The following CDH18 variants were observed in gnomAD, a reference collection of about 807,000 sequenced individuals.
The protein encoded by CDH18 is cadherin 18.
CDH18 carries 31 observed loss-of-function variants against 67.9 expected under a neutral mutation model. The ratio of observed to expected loss-of-function variants is 0.46; its 90% CI spans 0.34 to 0.62. The LOEUF is 0.62. CDH18 is among the 20% of genes least tolerant of loss of function. The probability of loss-of-function intolerance (pLI) is 0.01; values close to 1 mark genes in which losing one functional copy is unlikely to be tolerated. For missense variants in CDH18, 890 were observed against 975.5 expected (o/e 0.91, Z 1.17); for synonymous variants, 362 against 347.2 (o/e 1.04, Z -0.48).
intron 1 of CDH18, among the ~76,000 whole-genome samples, chr5:20,500,671 G>C (rs755784559): frequency 2.0e-5 from 3 of 152,082 alleles, no homozygotes; most frequent in Non-Finnish European, 4.4e-5. Flanking sequence ...AAATATCTTA[G>C]CACAGTTAGG....
At chr5:19,929,634 T>C (rs1034141242) in intron 2 of CDH18, among the ~76,000 whole-genome samples, 1 of 151,968 alleles carries the variant, frequency 6.6e-6, no homozygotes, top group Non-Finnish European at 1.5e-5. Context: ...AATCCAGAAT[T>C]TGGGACTAGT....
chr5:20,186,581 A>T (rs945511185), intron 2 of CDH18, among the ~76,000 whole-genome samples: 21 of 152,006 alleles, frequency 1.4e-4, no homozygotes, highest in African/African-American at 5.1e-4. Context: ...ATCATTAGGG[A>T]AATAATAACC....
At chr5:19,887,778 C>A (rs115879865) in intron 2 of CDH18, among the ~76,000 whole-genome samples, 1,935 of 151,544 alleles carry the variant, frequency 0.013, 37 homozygotes, top group African/African-American at 0.045. Context: ...CACCTTGCTC[C>A]CCAGACTAGT....
At chr5:19,865,926 C>CAGCTGAATGT (rs1263015516) in intron 2 of CDH18, among the ~76,000 whole-genome samples, 1 of 152,168 alleles carries the variant, frequency 6.6e-6, no homozygotes, top group South Asian at 2.1e-4. Flanking sequence ...ATTGTCTAGA[C>CAGCTGAATGT]CTGATTCAGG....
chr5:20,538,131 G>C (rs1439500647), intron 1 of CDH18, among the ~76,000 whole-genome samples: 1 of 152,086 alleles, frequency 6.6e-6, no homozygotes, highest in Non-Finnish European at 1.5e-5. Flanking sequence ...AGAGACAAAT[G>C]TCCCATTCTC....
chr5:19,690,736 T>C (rs1218172159), intron 5 of CDH18, among the ~76,000 whole-genome samples: 1 of 151,126 alleles, frequency 6.6e-6, no homozygotes, highest in African/African-American at 2.4e-5. Context: ...CAAGAAGAAA[T>C]AGAAAACCAG....
intron 1 of CDH18, among the ~76,000 whole-genome samples, chr5:20,286,334 T>A (rs1746693821): frequency 1.3e-5 from 2 of 151,802 alleles, no homozygotes; most frequent in East Asian, 3.9e-4. Context: ...GATATACATA[T>A]GATTAGCTGC....
chr5:20,482,761 G>T (rs753154672), intron 1 of CDH18, among the ~76,000 whole-genome samples: 1 of 151,854 alleles, frequency 6.6e-6, no homozygotes, highest in Non-Finnish European at 1.5e-5. Flanking sequence ...ACTGGCTATA[G>T]AAGGAACATA....
intron 5 of CDH18, among the ~76,000 whole-genome samples, chr5:19,707,589 T>A (rs150191203): frequency 0.012 from 1,790 of 152,322 alleles, 36 homozygotes; most frequent in African/African-American, 0.041. Flanking sequence ...GATTTGAACA[T>A]CTGCCTATCT....
intron 2 of CDH18, among the ~76,000 whole-genome samples, chr5:19,914,133 T>C (rs539208034): frequency 2.0e-5 from 3 of 152,206 alleles, no homozygotes; most frequent in Non-Finnish European, 2.9e-5. Flanking sequence ...TGGAGAGATA[T>C]AGTCAATGGG....
At chr5:19,653,401 G>T (rs1193803331) in intron 5 of CDH18, among the ~76,000 whole-genome samples, 1 of 151,930 alleles carries the variant, frequency 6.6e-6, no homozygotes, top group East Asian at 1.9e-4. Flanking sequence ...ACATGGCCGA[G>T]TTCACTGTAA....
intron 1 of CDH18, among the ~76,000 whole-genome samples, chr5:20,258,787 G>A (rs2126625310): frequency 6.6e-6 from 1 of 152,226 alleles, no homozygotes; most frequent in East Asian, 1.9e-4. Flanking sequence ...TACAGGAATG[G>A]TGAAGAGGTG....
chr5:20,495,708 T>A (rs552404282), intron 1 of CDH18, among the ~76,000 whole-genome samples: 8 of 152,158 alleles, frequency 5.3e-5, no homozygotes, highest in African/African-American at 1.9e-4. Flanking sequence ...GTTGGCATAA[T>A]CTCTGTTTAA....
intron 6 of CDH18, among the ~76,000 whole-genome samples, 155 bp from the exon 7 acceptor site, chr5:19,591,399 T>C (rs1745112908): frequency 6.6e-6 from 1 of 152,150 alleles, no homozygotes; most frequent in African/African-American, 2.4e-5. Context: ...GACTATTTTG[T>C]AATTAAATAC....
intron 2 of CDH18, among the ~76,000 whole-genome samples, chr5:19,996,773 A>G (rs1438198294): frequency 2.0e-5 from 3 of 151,988 alleles, no homozygotes; most frequent in Non-Finnish European, 4.4e-5. Context: ...ATGGATTTAA[A>G]TTGTCTTAAT....
intron 3 of CDH18, among the ~76,000 whole-genome samples, chr5:19,791,849 T>C (rs1454678024): frequency 6.6e-6 from 1 of 152,204 alleles, no homozygotes; most frequent in Non-Finnish European, 1.5e-5. Context: ...CTAGCTGAAG[T>C]AAGTCAATTC....
At chr5:19,668,813 A>G (rs1224574401) in intron 5 of CDH18, among the ~76,000 whole-genome samples, 2 of 152,118 alleles carry the variant, frequency 1.3e-5, no homozygotes, top group Admixed American at 1.3e-4. Context: ...GCAAGCATGT[A>G]TATCCTTGTG....
intron 2 of CDH18, among the ~76,000 whole-genome samples, chr5:19,999,352 C>A (rs1049622361): frequency 2.0e-5 from 3 of 152,150 alleles, no homozygotes; most frequent in Non-Finnish European, 4.4e-5. Context: ...ATGATCCTAG[C>A]ACTTTGGAAG....
chr5:19,982,760 C>A (rs1799180826), intron 1 of CDH18, among the ~76,000 whole-genome samples: 2 of 151,856 alleles, frequency 1.3e-5, no homozygotes, highest in African/African-American at 4.8e-5. Flanking sequence ...TATTATAATT[C>A]GAGGCCAGGC....
Sources: gnomAD v4.1 joint callset for allele counts (sites outside exome capture counted in the v4.1 genomes callset) on GRCh38, gnomAD v4.1.1 for gene constraint, MANE v1.5 for transcripts, NCBI Gene and HGNC (gene_info 2026-07-23, HGNC 2026-07-21) for gene names.